The following AP1AR variants were observed in gnomAD, a reference collection of about 807,000 sequenced individuals.
The protein encoded by AP1AR is adaptor related protein complex 1 associated regulatory protein.
AP1AR carries 29 observed loss-of-function variants against 46.3 expected under a neutral mutation model. That is an observed-to-expected ratio of 0.63 (90% CI 0.47 to 0.85). AP1AR has a LOEUF of 0.85. AP1AR is among the 40% of genes least tolerant of loss of function. AP1AR has a pLI of 0.00. For missense variants in AP1AR, 357 were observed against 356.3 expected (o/e 1.00, Z -0.02); for synonymous variants, 122 against 122.9 (o/e 0.99, Z 0.05).
At chr4:112,232,257 G>T in intron 1 of AP1AR, 83 bp downstream of exon 1, 1 of 1,188,868 alleles carries the variant, frequency 8.4e-7, no homozygotes, top group Non-Finnish European at 1.1e-6. Flanking sequence ...CCGTCCCCCG[G>T]CGGCTGGAGG....
chr4:112,253,366 T>G (rs998229614), intron 2 of AP1AR, 110 bp downstream of exon 2: 1 of 750,334 alleles, frequency 1.3e-6, no homozygotes, highest in Admixed American at 2.7e-5. Context: ...GGACTGTTTA[T>G]ATTTCAATAT....
At chr4:112,254,583 G>A (rs752714101) in intron 2 of AP1AR, among the ~76,000 whole-genome samples, 164 bp from the exon 3 acceptor site, 5 of 152,146 alleles carry the variant, frequency 3.3e-5, no homozygotes, top group Admixed American at 6.5e-5. Context: ...TTGTAGGACT[G>A]TTAAATATAT....
At chr4:112,250,052 A>G (rs1212425815) in intron 1 of AP1AR, among the ~76,000 whole-genome samples, 1 of 152,232 alleles carries the variant, frequency 6.6e-6, no homozygotes, top group Non-Finnish European at 1.5e-5. Flanking sequence ...CTTGATAAAT[A>G]TTTATGAAAT....
intron 1 of AP1AR, among the ~76,000 whole-genome samples, chr4:112,242,448 A>G (rs1284536291): frequency 1.1e-5 from 1 of 88,808 alleles, no homozygotes; most frequent in African/African-American, 7.6e-5. Context: ...GGTAATTTAT[A>G]AAAGAAAAAA....
chr4:112,248,260 G>A (rs1476333736), intron 1 of AP1AR, among the ~76,000 whole-genome samples: 3 of 152,146 alleles, frequency 2.0e-5, no homozygotes, highest in Non-Finnish European at 4.4e-5. Flanking sequence ...ACTAAAAGAG[G>A]TGCAAGAGGC....
chr4:112,232,519 G>T (rs2110459759), intron 1 of AP1AR, among the ~76,000 whole-genome samples: 1 of 152,336 alleles, frequency 6.6e-6, no homozygotes, highest in South Asian at 2.1e-4. Context: ...GACACACCCT[G>T]CGCTGAGCTT....
chr4:112,238,951 A>G (rs1427283022), intron 1 of AP1AR, among the ~76,000 whole-genome samples: 1 of 152,072 alleles, frequency 6.6e-6, no homozygotes, highest in Non-Finnish European at 1.5e-5. Context: ...TGTGAGTGGT[A>G]TCTGTAGTCA....
chr4:112,233,222 T>C (rs1235007541), intron 1 of AP1AR, among the ~76,000 whole-genome samples: 1 of 152,244 alleles, frequency 6.6e-6, no homozygotes, highest in East Asian at 1.9e-4. Flanking sequence ...GAATCTTTGG[T>C]AATGGAGATC....
At chr4:112,263,289 T>TA (rs1726532770) in intron 6 of AP1AR, among the ~76,000 whole-genome samples, 1 of 152,238 alleles carries the variant, frequency 6.6e-6, no homozygotes. Flanking sequence ...ACATGCTTGA[T>TA]ACTCAATGCT....
chr4:112,260,773 A>T lies in AP1AR; in HGVS notation c.193A>T (p.Thr65Ser). 1 of 1,589,102 alleles carries T rather than the reference A, an allele frequency of 6.3e-7. No individual in the cohort carries two copies. Among genetic ancestry groups the T allele is most frequent in the Non-Finnish European group, 8.6e-7 (1 of 1,168,906 alleles). The change falls in exon 5 of 10, where the codon ACT becomes TCT. Residue 65 changes from threonine to serine, a missense_variant. By Grantham distance (58) the Thr-to-Ser change is moderately conservative (BLOSUM62 1). Around this residue, in one of 2 missense-constraint regions of AP1AR, gnomAD observed 269 missense variants for 223.6 expected, o/e 1.20. Transcript: ENST00000274000. ...CCTCCTTTTTTTCTCTAGGCCTCTT[A>T]CTGAGGAAGAAATTGTTGACCTAAG... ...ESPGSSHRPL[T>S]EEEIVDLRER... is the part of the protein sequence containing the mutation.
chr4:112,234,893 T>A (rs1725175848), intron 1 of AP1AR, among the ~76,000 whole-genome samples: 1 of 152,170 alleles, frequency 6.6e-6, no homozygotes, highest in South Asian at 2.1e-4. Context: ...GTCTTGCAGA[T>A]TGACATACCC....
chr4:112,260,045 T>C (rs1726372559), intron 4 of AP1AR, among the ~76,000 whole-genome samples: 1 of 152,156 alleles, frequency 6.6e-6, no homozygotes, highest in South Asian at 2.1e-4. Flanking sequence ...CACATATATA[T>C]AAAAGGACTA....
At chr4:112,264,651 A>G (rs1458642956) in intron 6 of AP1AR, among the ~76,000 whole-genome samples, 1 of 152,150 alleles carries the variant, frequency 6.6e-6, no homozygotes, top group Non-Finnish European at 1.5e-5. Context: ...ATGGAACTTC[A>G]TGTATTGTTT....
At chr4:112,248,212 GA>G (rs554325758) in intron 1 of AP1AR, among the ~76,000 whole-genome samples, 115 of 152,264 alleles carry the variant, frequency 7.6e-4, no homozygotes, top group African/African-American at 2.7e-3. Context: ...TCAGTGGCAT[GA>G]AAACAGACAC....
chr4:112,260,890 A>G (rs932403235), intron 5 of AP1AR, 28 bp downstream of exon 5: 13 of 1,351,414 alleles, frequency 9.6e-6, no homozygotes, highest in Non-Finnish European at 1.2e-5. Flanking sequence ...TTGCTTAAGT[A>G]CATGTTATCA....
Position 112,239,514 on chromosome 4 carries a change from A to G in AP1AR, c.83+7340A>G, listed in dbSNP as rs184124529. 4.5e-4 allele frequency among the ~76,000 whole-genome samples: 69 copies of G among 152,310 alleles called. 1 individual carries two copies. The highest frequency in any genetic ancestry group is 7.8e-4 in the Non-Finnish European group (53 of 68,024). ...ATACTCTCCTTAAAGAGTGACATGC[A>G]TATAGCTGCTAACCTAGGGGTTGTC... On this transcript the variant is annotated intron_variant, in intron 1 of 9. Coordinates refer to ENST00000274000, the MANE Select transcript of AP1AR (RefSeq NM_018569.6).
intron 1 of AP1AR, among the ~76,000 whole-genome samples, chr4:112,250,412 TA>T (rs1725902978): frequency 1.3e-5 from 2 of 152,348 alleles, no homozygotes; most frequent in South Asian, 4.1e-4. Flanking sequence ...TTTTAAAACA[TA>T]TATATTACAT....
At chr4:112,256,686 T>A (rs924229912) in intron 3 of AP1AR, among the ~76,000 whole-genome samples, 6 of 152,250 alleles carry the variant, frequency 3.9e-5, no homozygotes, top group Non-Finnish European at 8.8e-5. Context: ...CAGTTATGAA[T>A]AGTTTAAATG....
At position 112,257,842 on chromosome 4, in the gene AP1AR, G is replaced by A. The variant is rs568629765; in HGVS notation, c.185+45G>A. Reference sequence around the variant, plus strand: ...AAAAAACAAAACTTCTATGCAAACTGTAAGAAAACTCTCTTAAGAAGTCAG... The same window carrying A: ...AAAAAACAAAACTTCTATGCAAACTATAAGAAAACTCTCTTAAGAAGTCAG... On this transcript the variant is annotated intron_variant, in intron 4 of 9. Coordinates refer to ENST00000274000, the MANE Select transcript of AP1AR (RefSeq NM_018569.6). 1.0e-4 allele frequency: 152 copies of A among 1,485,346 alleles called. 3 individuals are homozygous for A. The South Asian group carries it at 1.6e-3, about 16-fold the overall frequency. The allele number at this position is 1,485,346 out of a possible 1,614,324, so 92.0% of individuals were successfully genotyped here.
Sources: gnomAD v4.1 joint callset for allele counts (sites outside exome capture counted in the v4.1 genomes callset) on GRCh38, gnomAD v4.1.1 for gene constraint, gnomAD v4.1.1 regional missense constraint, MANE v1.5 for transcripts, NCBI Gene and HGNC (gene_info 2026-07-23, HGNC 2026-07-21) for gene names.